The following MARK2 variants were observed in gnomAD, a reference collection of about 807,000 sequenced individuals.
MARK2 encodes microtubule affinity regulating kinase 2, also known as serine/threonine-protein kinase MARK2.
A neutral mutation model predicts 89.8 loss-of-function variants in MARK2; 16 were observed. That is an observed-to-expected ratio of 0.18 (90% CI 0.12 to 0.27). The LOEUF is 0.27. MARK2 is among the 10% of genes least tolerant of loss of function. MARK2 has a pLI of 1.00. For synonymous variants in MARK2, 382 were observed against 399.5 expected (o/e 0.96, Z 0.52); for missense variants, 621 against 1,049.9 (o/e 0.59, Z 5.65).
intron 1 of MARK2, among the ~76,000 whole-genome samples, chr11:63,870,703 G>C (rs1938395986): frequency 6.6e-6 from 1 of 152,228 alleles, no homozygotes; most frequent in Non-Finnish European, 1.5e-5. Flanking sequence ...GCTAGTGCAG[G>C]AAGGCCCGAG....
At chr11:63,865,867 A>G (rs1938101671) in intron 1 of MARK2, among the ~76,000 whole-genome samples, 1 of 152,052 alleles carries the variant, frequency 6.6e-6, no homozygotes, top group South Asian at 2.1e-4. Context: ...TATTAAGCTC[A>G]TGTCTTTAGT....
In MARK2 at chr11:63,906,077, T is replaced by C; in HGVS notation, c.1935-11T>C. The C allele has an allele frequency of 7.4e-7, 1 of 1,357,802 alleles. No individual in the cohort carries two copies. The highest frequency in any genetic ancestry group is 2.1e-5 in the South Asian group (1 of 46,542). The allele number at this position is 1,357,802 out of a possible 1,614,324, so 84.1% of individuals were successfully genotyped here. On this transcript the variant is annotated splice_polypyrimidine_tract_variant and intron_variant, in intron 16 of 18. Coordinates refer to ENST00000402010, the MANE Select transcript of MARK2 (RefSeq NM_001039469.3). ...TTTTTTATTTTGTCTTTTTTTTGTT[T>C]GTTTTTTTAGAAATCTGTCTTTCAG...
At chr11:63,861,179 T>C (rs1590994412) in intron 1 of MARK2, among the ~76,000 whole-genome samples, 1 of 152,096 alleles carries the variant, frequency 6.6e-6, no homozygotes, top group African/African-American at 2.4e-5. Context: ...CTCACGCGGG[T>C]AATCCCAGCA....
chr11:63,858,776 G>A (rs988829904), intron 1 of MARK2, among the ~76,000 whole-genome samples: 6 of 152,192 alleles, frequency 3.9e-5, no homozygotes, highest in Non-Finnish European at 8.8e-5. Context: ...ACAGAGATAG[G>A]ACTGATAATC....
chr11:63,859,953 A>C (rs1290492639), intron 1 of MARK2, among the ~76,000 whole-genome samples: 1 of 152,102 alleles, frequency 6.6e-6, no homozygotes, highest in African/African-American at 2.4e-5. Context: ...TCTTAATGAA[A>C]CATACCTGTA....
In MARK2 at chr11:63,861,422, G is replaced by A. The variant is rs547513633; in HGVS notation, c.54+21862G>A. Among the ~76,000 whole-genome samples the A allele has an allele frequency of 5.3e-5, 8 of 152,220 alleles. No individual in the cohort carries two copies. The East Asian group carries it at 1.4e-3, about 26-fold the overall frequency. On this transcript the variant is annotated intron_variant, in intron 1 of 18. Coordinates refer to ENST00000402010, the MANE Select transcript of MARK2 (RefSeq NM_001039469.3). Reference sequence around the variant, plus strand: ...TGCACTCCTGCCTGGGCGACAGAGCGAGACTCCGTCTCAGAAAAAAAAAAC... The same window carrying A: ...TGCACTCCTGCCTGGGCGACAGAGCAAGACTCCGTCTCAGAAAAAAAAAAC...
chr11:63,876,139 G>T (rs931023904), intron 1 of MARK2, among the ~76,000 whole-genome samples: 1 of 152,146 alleles, frequency 6.6e-6, no homozygotes, highest in Non-Finnish European at 1.5e-5. Flanking sequence ...GACTTTTCTA[G>T]CTCCATTTAT....
At chr11:63,848,644 G>A (rs1010342288) in intron 1 of MARK2, among the ~76,000 whole-genome samples, 2 of 150,966 alleles carry the variant, frequency 1.3e-5, no homozygotes, top group African/African-American at 4.9e-5. Context: ...TCTGCCTCCC[G>A]GGTTCACACC....
intron 1 of MARK2, among the ~76,000 whole-genome samples, chr11:63,884,334 C>G (rs1246362882): frequency 1.3e-5 from 2 of 152,216 alleles, no homozygotes; most frequent in Non-Finnish European, 2.9e-5. Context: ...TGCATTGTGG[C>G]TTCCAGGCCT....
chr11:63,846,783 G>C (rs1289365156), intron 1 of MARK2, among the ~76,000 whole-genome samples: 2 of 151,672 alleles, frequency 1.3e-5, no homozygotes, highest in Non-Finnish European at 2.9e-5. Flanking sequence ...AGCCTCCCGA[G>C]TAGCTGGGAC....
intron 1 of MARK2, among the ~76,000 whole-genome samples, chr11:63,879,251 G>A (rs1938952317): frequency 6.6e-6 from 1 of 152,066 alleles, no homozygotes; most frequent in Admixed American, 6.6e-5. Flanking sequence ...AGGTTGCAGT[G>A]AGCTGAGATG....
In MARK2 at chr11:63,894,565, G is replaced by A. The variant is rs547446662; in HGVS notation, c.55-594G>A. On this transcript the variant is annotated intron_variant, in intron 1 of 18. Transcript: ENST00000402010. ...TACAAAATTAGCCAGGCGTGGTGGC[G>A]CATGACTGTAATCCCAGCTACTCGG... Among the ~76,000 whole-genome samples, 16 of 152,254 alleles carry A rather than the reference G, an allele frequency of 1.1e-4. No individual in the cohort carries two copies. The South Asian group carries it at 2.5e-3, about 24-fold the overall frequency.
intron 1 of MARK2, among the ~76,000 whole-genome samples, chr11:63,859,509 AAG>A (rs1446374232): frequency 6.6e-6 from 1 of 151,226 alleles, no homozygotes; most frequent in African/African-American, 2.4e-5. Flanking sequence ...TTAGTAGAGA[AAG>A]GGTTTCACCA....
At chr11:63,860,236 T>G (rs1185828008) in intron 1 of MARK2, among the ~76,000 whole-genome samples, 1 of 152,204 alleles carries the variant, frequency 6.6e-6, no homozygotes, top group East Asian at 1.9e-4. Context: ...ATAGTCACTT[T>G]GACCAACTTT....
chr11:63,879,754 C>T (rs1938979858), intron 1 of MARK2, among the ~76,000 whole-genome samples: 2 of 152,096 alleles, frequency 1.3e-5, no homozygotes, highest in East Asian at 3.9e-4. Context: ...GTGGCAGTGA[C>T]AGCCTTGGGG....
chr11:63,901,146 G>A (rs1356662659), intron 11 of MARK2, 77 bp downstream of exon 11: 1 of 934,452 alleles, frequency 1.1e-6, no homozygotes, highest in Non-Finnish European at 1.7e-6. Context: ...CACCTGTTGA[G>A]GGCAGAAGCT....
intron 1 of MARK2, among the ~76,000 whole-genome samples, chr11:63,861,385 A>G (rs1415531872): frequency 6.6e-6 from 1 of 152,160 alleles, no homozygotes; most frequent in Non-Finnish European, 1.5e-5. Flanking sequence ...CAGTGAGCTG[A>G]GATCGCACCA....
intron 1 of MARK2, among the ~76,000 whole-genome samples, chr11:63,849,771 G>A (rs922733309): frequency 6.6e-6 from 1 of 152,086 alleles, no homozygotes; most frequent in African/African-American, 2.4e-5. Flanking sequence ...AATAAGAGCA[G>A]GTTTTGCGGC....
Position 63,844,906 on chromosome 11 carries a change from C to T in MARK2, c.54+5346C>T, listed in dbSNP as rs371370272. Among the ~76,000 whole-genome samples the T allele has an allele frequency of 9.8e-5, 15 of 152,312 alleles. No individual in the cohort carries two copies. The East Asian group carries it at 2.7e-3, about 27-fold the overall frequency. On this transcript the variant is annotated intron_variant, in intron 1 of 18. Coordinates refer to ENST00000402010, the MANE Select transcript of MARK2 (RefSeq NM_001039469.3). ...TTCTCCCAGGAGCTTCCATGAGGTT[C>T]CTACTTATGTATTATGTCGACTTGA...
Sources: allele counts gnomAD v4.1 joint callset (sites outside exome capture counted in the v4.1 genomes callset), GRCh38; gene constraint gnomAD v4.1.1; transcripts MANE v1.5; gene names NCBI Gene and HGNC (gene_info 2026-07-23, HGNC 2026-07-21).